The following USP9X variants were observed in gnomAD, a reference collection of about 807,000 sequenced individuals.
USP9X encodes the protein ubiquitin specific peptidase 9 X-linked.
In USP9X, 7 loss-of-function variants were observed where a neutral mutation model predicts 190.3. The observed-to-expected ratio is 0.04, with a 90% CI of 0.02 to 0.07. USP9X has a LOEUF of 0.07. USP9X is among the 10% of genes least tolerant of loss of function. The probability of loss-of-function intolerance (pLI) is 1.00; values close to 1 mark genes in which losing one functional copy is unlikely to be tolerated. For synonymous variants in USP9X, 645 were observed against 659.5 expected, an observed-to-expected ratio of 0.98 and a Z score of 0.34; for missense variants, 1,010 against 1,916.9, an observed-to-expected ratio of 0.53 and a Z score of 8.83.
At chrX:41,192,787 G>C (rs990461994) in intron 26 of USP9X, among the ~76,000 whole-genome samples, 1 of 111,292 alleles carries the variant, frequency 9.0e-6, no homozygotes, top group African/African-American at 3.3e-5. Flanking sequence ...AGCCTTCTAG[G>C]AGCTTACATG....
At position 41,218,382 on chromosome X, in the gene USP9X, T is replaced by C; in HGVS notation, c.6220T>C (p.Leu2074=). 1 of 1,211,370 alleles carries C rather than the reference T, an allele frequency of 8.3e-7. No individual in the cohort carries two copies. The highest frequency in any genetic ancestry group is 1.1e-6 in the Non-Finnish European group (1 of 895,234). Residue 2074 remains leucine, a synonymous_variant, in exon 37 of 45, where the codon TTG becomes CTG. Transcript: ENST00000378308. ...TTTGTTTTATTTTAGGTATGATGCA[T>C]TGTGTATTCTCCTTCGTCACAGCAA... is the stretch of plus-strand genomic sequence containing the variant. ...RGSASDWYDA[L]CILLRHSKNV... is the part of the protein sequence containing the mutation.
chrX:41,107,648 T>C (rs978164388), intron 1 of USP9X, among the ~76,000 whole-genome samples: 1 of 112,215 alleles, frequency 8.9e-6, no homozygotes, highest in African/African-American at 3.2e-5. Context: ...TTTCTGGGGC[T>C]CTCATTATGC....
chrX:41,146,634 ATCTT>A (rs1173547676), intron 11 of USP9X, among the ~76,000 whole-genome samples: 1 of 76,852 alleles, frequency 1.3e-5, no homozygotes, highest in Non-Finnish European at 2.6e-5. Context: ...GAGATTGAGT[ATCTT>A]TCTGTATATT....
chrX:41,124,938 A>G (rs1161140092), intron 2 of USP9X, among the ~76,000 whole-genome samples: 1 of 112,251 alleles, frequency 8.9e-6, no homozygotes, highest in East Asian at 2.8e-4. Flanking sequence ...GCTGGCCGCA[A>G]AACTCATAGG....
intron 1 of USP9X, among the ~76,000 whole-genome samples, chrX:41,088,756 ATTGT>A (rs1170021155): frequency 1.8e-5 from 2 of 109,122 alleles, no homozygotes; most frequent in East Asian, 5.7e-4. Flanking sequence ...TGAGTCTTGA[ATTGT>A]TTTTCTTTTT....
intron 14 of USP9X, 135 bp downstream of exon 14, chrX:41,153,216 A>G (rs2062545505): frequency 1.7e-6 from 1 of 600,452 alleles, no homozygotes; most frequent in African/African-American, 2.7e-5. Flanking sequence ...GACATCCTAA[A>G]CTCTAGGCCA....
intron 15 of USP9X, 58 bp downstream of exon 15, chrX:41,162,935 G>T: frequency 4.1e-6 from 4 of 964,948 alleles, no homozygotes; most frequent in Non-Finnish European, 5.7e-6. Context: ...AATACAGAAT[G>T]AATAGACTGT....
In USP9X at chrX:41,223,120, A is replaced by T. The variant is rs111686786; in HGVS notation, c.6566-97A>T. 4.4e-5 allele frequency: 36 copies of T among 812,048 alleles called. No individual in the cohort carries two copies. In the African/African-American group the frequency reaches 6.1e-4, roughly 14 times the overall value. The allele number at this position is 812,048 out of a possible 1,213,427, so 66.9% of individuals were successfully genotyped here. On this transcript the variant is annotated intron_variant, in intron 38 of 44. Coordinates refer to ENST00000378308, the MANE Select transcript of USP9X (RefSeq NM_001039591.3). ...AAATTATAGACAAGATATTTTGTAT[A>T]ACTACTTGTTTTATTCATGAAGCCC...
intron 30 of USP9X, among the ~76,000 whole-genome samples, chrX:41,199,182 T>G (rs1371188176): frequency 9.3e-6 from 1 of 107,229 alleles, no homozygotes; most frequent in African/African-American, 3.4e-5. Flanking sequence ...AGACTCCATC[T>G]CAGAAAAAAA....
At chrX:41,106,271 T>C (rs1211296453) in intron 1 of USP9X, among the ~76,000 whole-genome samples, 4 of 111,457 alleles carry the variant, frequency 3.6e-5, no homozygotes, top group Non-Finnish European at 7.5e-5. Context: ...TTTTATCTTA[T>C]ATTTAGGTCT....
intron 15 of USP9X, among the ~76,000 whole-genome samples, chrX:41,163,186 A>G (rs933578574): frequency 2.7e-5 from 3 of 111,523 alleles, no homozygotes; most frequent in Non-Finnish European, 3.8e-5. Context: ...AAGGAGGACT[A>G]TACTGACTTA....
At chrX:41,182,874 T>G (rs753154957) in intron 21 of USP9X, among the ~76,000 whole-genome samples, 14 of 110,590 alleles carry the variant, frequency 1.3e-4, no homozygotes, top group Non-Finnish European at 2.3e-4. Flanking sequence ...AACTGAAAAA[T>G]TTGTAAGATA....
chrX:41,212,887 C>G (rs1473683425), intron 33 of USP9X, among the ~76,000 whole-genome samples: 1 of 111,683 alleles, frequency 9.0e-6, no homozygotes, highest in Non-Finnish European at 1.9e-5. Context: ...ATTCACTTAG[C>G]CTAGGCAACT....
chrX:41,132,391 C>T (rs2062328958), intron 4 of USP9X, among the ~76,000 whole-genome samples: 1 of 104,561 alleles, frequency 9.6e-6, no homozygotes, highest in African/African-American at 3.5e-5. Flanking sequence ...GCAACCTCCA[C>T]CTCCCCGGTT....
chrX:41,103,263 G>C (rs1173977989), intron 1 of USP9X, among the ~76,000 whole-genome samples: 1 of 112,464 alleles, frequency 8.9e-6, no homozygotes, highest in Non-Finnish European at 1.9e-5. Flanking sequence ...CCTTTGTAAC[G>C]ATTTAAAAAA....
At chrX:41,158,719 T>C (rs967290450) in intron 14 of USP9X, among the ~76,000 whole-genome samples, 1 of 111,311 alleles carries the variant, frequency 9.0e-6, no homozygotes, top group African/African-American at 3.3e-5. Context: ...GAAGACAGTT[T>C]TTCCACGGAC....
intron 41 of USP9X, chrX:41,228,904 T>C (rs1306285859): frequency 8.6e-6 from 1 of 116,878 alleles, no homozygotes; most frequent in Admixed American, 9.1e-5. Context: ...GATCACGAGG[T>C]CAGGAGATTG....
chrX:41,141,611 A>G (rs2062423758), intron 9 of USP9X, among the ~76,000 whole-genome samples, 180 bp downstream of exon 9: 1 of 112,134 alleles, frequency 8.9e-6, no homozygotes, highest in Admixed American at 9.5e-5. Context: ...ATAGTTTATT[A>G]TTTGGTAGTG....
At chrX:41,165,582 T>G (rs1239340563) in intron 15 of USP9X, among the ~76,000 whole-genome samples, 2 of 111,823 alleles carry the variant, frequency 1.8e-5, no homozygotes, top group African/African-American at 6.5e-5. Flanking sequence ...AAAGTCTGGT[T>G]TCAAAAACTA....
Sources: allele counts gnomAD v4.1 joint callset (sites outside exome capture counted in the v4.1 genomes callset), GRCh38; gene constraint gnomAD v4.1.1; transcripts MANE v1.5; gene names NCBI Gene and HGNC (gene_info 2026-07-23, HGNC 2026-07-21).